Variants in CLSTN2 observed in about 807,000 individuals in gnomAD.
CLSTN2 encodes calsyntenin 2.
In CLSTN2, 48 loss-of-function variants were observed where a neutral mutation model predicts 101.2. The ratio of observed to expected loss-of-function variants is 0.47; its 90% CI spans 0.38 to 0.60. The LOEUF is 0.60. CLSTN2 is among the 20% of genes least tolerant of loss of function. The probability of loss-of-function intolerance (pLI) is 0.00; values close to 1 mark genes in which losing one functional copy is unlikely to be tolerated. For missense variants in CLSTN2, 1,160 were observed against 1,238.2 expected (o/e 0.94, Z 0.95); for synonymous variants, 481 against 463.6 (o/e 1.04, Z -0.48).
At chr3:140,090,712 G>A (rs2008764002) in intron 1 of CLSTN2, among the ~76,000 whole-genome samples, 2 of 152,170 alleles carry the variant, frequency 1.3e-5, no homozygotes, top group South Asian at 2.1e-4. Context: ...CCTGGAGGAA[G>A]TGAGGCTGAC....
intron 1 of CLSTN2, among the ~76,000 whole-genome samples, chr3:140,159,548 G>A (rs2010011950): frequency 6.6e-6 from 1 of 152,144 alleles, no homozygotes; most frequent in Non-Finnish European, 1.5e-5. Flanking sequence ...GAAAGGGCAT[G>A]CTTTTACATT....
chr3:140,294,225 A>G (rs1228093666), intron 2 of CLSTN2, among the ~76,000 whole-genome samples: 5 of 152,248 alleles, frequency 3.3e-5, no homozygotes, highest in Non-Finnish European at 5.9e-5. Context: ...GCTGGCAAAT[A>G]GGGGAAATAA....
chr3:140,530,798 G>T (rs990235738), intron 8 of CLSTN2, among the ~76,000 whole-genome samples: 11 of 152,180 alleles, frequency 7.2e-5, no homozygotes, highest in Admixed American at 5.2e-4. Context: ...ATGGGGTATG[G>T]TCAGGGTTAC....
chr3:140,331,678 A>G (rs537115909), intron 2 of CLSTN2, among the ~76,000 whole-genome samples: 17 of 152,282 alleles, frequency 1.1e-4, no homozygotes, highest in East Asian at 3.9e-4. Flanking sequence ...CTTCTGCCCT[A>G]TGTCTGATGG....
chr3:140,425,235 C>A (rs1434899664), intron 5 of CLSTN2, among the ~76,000 whole-genome samples: 1 of 152,202 alleles, frequency 6.6e-6, no homozygotes, highest in Non-Finnish European at 1.5e-5. Context: ...TTCCAGGGAG[C>A]TTTCTCAGAG....
At chr3:140,221,287 TCTTA>T (rs1448305374) in intron 2 of CLSTN2, among the ~76,000 whole-genome samples, 2 of 152,160 alleles carry the variant, frequency 1.3e-5, no homozygotes, top group South Asian at 2.1e-4. Flanking sequence ...AAATTATTTA[TCTTA>T]CTTAATGTGA....
At chr3:140,247,179 G>A (rs2086525571) in intron 2 of CLSTN2, among the ~76,000 whole-genome samples, 1 of 152,138 alleles carries the variant, frequency 6.6e-6, no homozygotes, top group Non-Finnish European at 1.5e-5. Context: ...TTGGTTATCA[G>A]TTCTATCTGT....
At chr3:140,114,419 G>C (rs2009206483) in intron 1 of CLSTN2, among the ~76,000 whole-genome samples, 1 of 152,024 alleles carries the variant, frequency 6.6e-6, no homozygotes, top group African/African-American at 2.4e-5. Context: ...CCTGTCCTCT[G>C]TCTTCTATTT....
intron 1 of CLSTN2, among the ~76,000 whole-genome samples, chr3:140,017,552 G>A (rs2007225828): frequency 6.6e-6 from 1 of 152,184 alleles, no homozygotes; most frequent in Non-Finnish European, 1.5e-5. Flanking sequence ...GCTGAGCCGA[G>A]TGCCCCTCCA....
chr3:140,051,428 A>G (rs1434392612), intron 1 of CLSTN2, among the ~76,000 whole-genome samples: 1 of 152,174 alleles, frequency 6.6e-6, no homozygotes, highest in Non-Finnish European at 1.5e-5. Context: ...CATCCTCAGC[A>G]TGGTCGCTGC....
intron 1 of CLSTN2, among the ~76,000 whole-genome samples, chr3:140,043,208 T>A (rs1023902313): frequency 6.6e-6 from 1 of 152,160 alleles, no homozygotes; most frequent in African/African-American, 2.4e-5. Flanking sequence ...TTTTTAATGA[T>A]CGCCATTCTA....
At chr3:140,190,448 A>G (rs1201700168) in intron 2 of CLSTN2, among the ~76,000 whole-genome samples, 1 of 151,354 alleles carries the variant, frequency 6.6e-6, no homozygotes, top group Non-Finnish European at 1.5e-5. Context: ...CAAAAAAAAA[A>G]AAAAAAAAAA....
intron 2 of CLSTN2, among the ~76,000 whole-genome samples, chr3:140,328,288 C>G (rs987785202): frequency 6.6e-6 from 1 of 152,178 alleles, no homozygotes; most frequent in Non-Finnish European, 1.5e-5. Flanking sequence ...CCACGATAAT[C>G]AGCAGAGAGA....
chr3:140,416,408 A>T (rs1486530988), intron 4 of CLSTN2, among the ~76,000 whole-genome samples: 2 of 152,152 alleles, frequency 1.3e-5, no homozygotes, highest in African/African-American at 4.8e-5. Context: ...AAAGGTAACT[A>T]TGTGACATGA....
At chr3:140,553,622 C>T (rs1935747816) in intron 10 of CLSTN2, among the ~76,000 whole-genome samples, 1 of 152,088 alleles carries the variant, frequency 6.6e-6, no homozygotes, top group African/African-American at 2.4e-5. Flanking sequence ...TTAGTTTTCT[C>T]TTATACTCAG....
intron 2 of CLSTN2, among the ~76,000 whole-genome samples, chr3:140,296,999 T>C (rs1576504149): frequency 6.6e-6 from 1 of 152,056 alleles, no homozygotes; most frequent in Non-Finnish European, 1.5e-5. Flanking sequence ...GACAGAGGAG[T>C]GCTGAACTTC....
intron 1 of CLSTN2, among the ~76,000 whole-genome samples, chr3:140,171,685 A>AAT (rs373652469): frequency 7.1e-4 from 6 of 8,508 alleles, no homozygotes; most frequent in Non-Finnish European, 1.7e-3. Flanking sequence ...TATTATATAT[A>AAT]ATATATATTA....
In CLSTN2 at chr3:140,178,099, T is replaced by G. The variant is rs568079049; in HGVS notation, c.232+2026T>G. ...TTGCAGTGTCCTGAGGCTGGCACTTTAAAAGATGAGCAATGTGTCTGATTG... is the reference window on the plus strand; with the variant it reads ...TTGCAGTGTCCTGAGGCTGGCACTTGAAAAGATGAGCAATGTGTCTGATTG... On this transcript the variant is annotated intron_variant, in intron 2 of 16. Transcript: ENST00000458420. 2.6e-5 allele frequency among the ~76,000 whole-genome samples: 4 copies of G among 152,306 alleles called. No individual in the cohort carries two copies. In the South Asian group the frequency reaches 6.2e-4, roughly 24 times the overall value.
At chr3:140,347,848 G>T (rs971335828) in intron 2 of CLSTN2, among the ~76,000 whole-genome samples, 3 of 152,168 alleles carry the variant, frequency 2.0e-5, no homozygotes, top group African/African-American at 7.2e-5. Flanking sequence ...TTTTAATCAA[G>T]AAAGGAAAAT....
Sources: allele counts gnomAD v4.1 joint callset (sites outside exome capture counted in the v4.1 genomes callset), GRCh38; gene constraint gnomAD v4.1.1; transcripts MANE v1.5; gene names NCBI Gene and HGNC (gene_info 2026-07-23, HGNC 2026-07-21).